The following FBL variants were observed in gnomAD, a reference collection of about 807,000 sequenced individuals.
FBL encodes fibrillarin rRNA 2'-O-methyltransferase, also known as rRNA 2'-O-methyltransferase fibrillarin.
FBL carries 10 observed loss-of-function variants against 42.2 expected under a neutral mutation model. The ratio of observed to expected loss-of-function variants is 0.24; its 90% CI spans 0.15 to 0.40. The LOEUF (loss-of-function observed/expected upper bound fraction) is 0.40, where lower values mean the gene tolerates loss of function less well. FBL is among the 10% of genes least tolerant of loss of function. The pLI is 1.00. For synonymous variants in FBL, 165 were observed against 165.4 expected, an observed-to-expected ratio of 1.00 and a Z score of 0.02; for missense variants, 351 against 439.2, an observed-to-expected ratio of 0.80 and a Z score of 1.79.
intron 1 of FBL, among the ~76,000 whole-genome samples, chr19:39,843,314 T>C (rs982629457): frequency 6.6e-6 from 1 of 152,124 alleles, no homozygotes; most frequent in African/African-American, 2.4e-5. Flanking sequence ...CACCCTCTAT[T>C]TGTTCAGAAA....
In FBL at chr19:39,840,141, C is replaced by CA; in HGVS notation, c.378+91dup. 1.2e-6 allele frequency: 1 copy of CA among 865,576 alleles called. No individual in the cohort carries two copies. The highest frequency in any genetic ancestry group is 2.4e-5 in the East Asian group (1 of 41,406). The allele number at this position is 865,576 out of a possible 1,614,324, so 53.6% of individuals were successfully genotyped here. ...CATATTATGACAATCCTCCAGCTGTCACGTGCAGGACACATGGTGAGGGCA... is the reference window on the plus strand; with the variant it reads ...CATATTATGACAATCCTCCAGCTGTCAACGTGCAGGACACATGGTGAGGGCA... On this transcript the variant is annotated intron_variant, in intron 4 of 8. Coordinates refer to ENST00000221801, the MANE Select transcript of FBL (RefSeq NM_001436.4). This position sits in a 1 kb window ranked among gnomAD's most constrained non-coding sequence, Gnocchi z 4.5.
In FBL at chr19:39,840,713, C is replaced by T; in HGVS notation, c.85G>A (p.Gly29Ser). Residue 29 changes from glycine (G) to serine (S), a missense_variant, in exon 2 of 9, where the codon GGC (glycine) becomes AGC (serine). Transcript: ENST00000221801. The surrounding 1 kb of genome is among the most constrained non-coding windows in gnomAD (Gnocchi z 4.5). ...CCTCGACCTCGGCCCCCGCCAAAGC[C>T]CCCTCGGCCTCCACGACCACCACGG... Reference protein sequence around the residue: ...GDRGGRGGRGGFGGGRGRGGG... With the variant: ...GDRGGRGGRGSFGGGRGRGGG... 1 of 1,582,980 alleles carries T rather than the reference C, an allele frequency of 6.3e-7. No homozygotes were observed. Among genetic ancestry groups the T allele is most frequent in the Non-Finnish European group, 8.6e-7 (1 of 1,165,036 alleles).
Position 39,834,530 on chromosome 19 carries a change from G to T in FBL, c.*8C>A, listed in dbSNP as rs746149318. 1 of 1,614,060 alleles carries T rather than the reference G, an allele frequency of 6.2e-7. No individual in the cohort carries two copies. Among genetic ancestry groups the T allele is most frequent in the East Asian group, 2.2e-5 (1 of 44,884 alleles). The stretch of plus-strand genomic sequence containing the variant: ...ACACATCTCTCGCAATCCTGACAGC[G>T]CTGAACTTCAGTTCTTCACCTTGGG... On this transcript the variant is annotated 3_prime_UTR_variant, in exon 9 of 9. Transcript: ENST00000221801.
rs544833818 is a variant in FBL, at chr19:39,834,462, G to A, written c.*76C>T. 9.1e-6 allele frequency: 14 copies of A among 1,536,192 alleles called. No homozygotes were observed. Among genetic ancestry groups the A allele is most frequent in the African/African-American group, 1.4e-5 (1 of 73,458 alleles). On this transcript the variant is annotated 3_prime_UTR_variant, in exon 9 of 9. Coordinates refer to ENST00000221801, the MANE Select transcript of FBL (RefSeq NM_001436.4). Reference sequence around the variant, plus strand: ...GAATGAGCAGCAGACATGGGAGACGGATGAGTCTTTTAATAGAAAAACACA... The same window carrying A: ...GAATGAGCAGCAGACATGGGAGACGAATGAGTCTTTTAATAGAAAAACACA...
intron 4 of FBL, among the ~76,000 whole-genome samples, chr19:39,839,788 G>A (rs1012824890): frequency 6.6e-6 from 1 of 152,200 alleles, no homozygotes; most frequent in African/African-American, 2.4e-5. Context: ...CCCAAGGCAG[G>A]CACACCCTGG....
At chr19:39,837,904 T>G in intron 5 of FBL, 61 bp from the exon 6 acceptor site, 1 of 1,456,112 alleles carries the variant, frequency 6.9e-7, no homozygotes, top group Non-Finnish European at 9.5e-7. Context: ...AGTGCCTACT[T>G]TAGGCCCATA....
intron 1 of FBL, among the ~76,000 whole-genome samples, chr19:39,843,412 C>G (rs529986509): frequency 1.3e-5 from 2 of 152,362 alleles, no homozygotes; most frequent in East Asian, 3.9e-4. Flanking sequence ...GTTGCTGCCA[C>G]TCTCGACCCT....
chr19:39,837,565 AG>A (rs1384168745), intron 6 of FBL, 145 bp downstream of exon 6: 19 of 722,004 alleles, frequency 2.6e-5, no homozygotes, highest in East Asian at 2.4e-4. Flanking sequence ...AACCTCACCT[AG>A]CTCCCCTTAC....
At position 39,835,294 on chromosome 19, in the gene FBL, C is replaced by G. The variant is rs141224105; in HGVS notation, c.796-481G>C. Among the ~76,000 whole-genome samples, 230 of 152,070 alleles carry G rather than the reference C, an allele frequency of 1.5e-3. 1 individual carries two copies. Among genetic ancestry groups the G allele is most frequent in the African/African-American group, 5.3e-3 (218 of 41,510 alleles). Reference sequence around the variant, plus strand: ...CCAGCACTTTGGGAGGCCGAGGTGGCTCAATCACGAAATCAGGAGATTGAG... The same window carrying G: ...CCAGCACTTTGGGAGGCCGAGGTGGGTCAATCACGAAATCAGGAGATTGAG... On this transcript the variant is annotated intron_variant, in intron 7 of 8. Transcript: ENST00000221801.
chr19:39,846,307 C>T lies in FBL; in HGVS notation c.-7G>A. 1 of 1,613,774 alleles carries T rather than the reference C, an allele frequency of 6.2e-7. No homozygotes were observed. The highest frequency in any genetic ancestry group is 8.5e-7 in the Non-Finnish European group (1 of 1,179,856). ...CAGCCTGACCTGGCTTCATGGCGAG[C>T]CCTGGTTTGTGCGGCTCCGGAGTCC... On this transcript the variant is annotated 5_prime_UTR_variant, in exon 1 of 9. Coordinates refer to ENST00000221801, the MANE Select transcript of FBL (RefSeq NM_001436.4).
At chr19:39,838,793 C>T (rs909021024) in intron 5 of FBL, 9 of 433,938 alleles carry the variant, frequency 2.1e-5, no homozygotes, top group East Asian at 7.4e-5. Context: ...CTATACTCCC[C>T]GTTGTCTCTC....
chr19:39,838,126 G>A (rs906914060), intron 5 of FBL: 12 of 381,224 alleles, frequency 3.1e-5, no homozygotes, highest in African/African-American at 4.3e-5. Context: ...CCAAGGCACA[G>A]AGATGATGTA....
chr19:39,837,932 C>T (rs1343573442), intron 5 of FBL, 89 bp from the exon 6 acceptor site: 2 of 1,060,614 alleles, frequency 1.9e-6, no homozygotes, highest in African/African-American at 1.6e-5. Flanking sequence ...CACAGCATCT[C>T]TTCCAACCCC....
intron 1 of FBL, among the ~76,000 whole-genome samples, chr19:39,842,832 A>G (rs944002105): frequency 2.0e-5 from 3 of 152,172 alleles, no homozygotes; most frequent in African/African-American, 7.2e-5. Context: ...CACATTGAGT[A>G]TCATCATCCT....
At position 39,840,659 on chromosome 19, in the gene FBL, CTCCTCG is replaced by C. The variant is rs1969144885; in HGVS notation, c.133_138del (p.Arg45_Gly46del). Reference sequence around the variant, plus strand: ...CCACCGCCGCCGCCGCCTCCACCTCCTCCTCGTCCACGACCTCTAAAGCCTCCGCCT... The same window carrying C: ...CCACCGCCGCCGCCGCCTCCACCTCCTCCACGACCTCTAAAGCCTCCGCCT... On this transcript the variant is annotated inframe_deletion, in exon 2 of 9. Coordinates refer to ENST00000221801, the MANE Select transcript of FBL (RefSeq NM_001436.4). The surrounding 1 kb of genome is among the most constrained non-coding windows in gnomAD (Gnocchi z 4.5). The C allele has an allele frequency of 1.2e-6, 2 of 1,610,510 alleles. No homozygotes were observed. The highest frequency in any genetic ancestry group is 1.7e-6 in the Non-Finnish European group (2 of 1,178,442).
chr19:39,836,650 A>G lies in FBL; in HGVS notation c.701T>C (p.Phe234Ser). 6.2e-7 allele frequency: 1 copy of G among 1,613,992 alleles called. No homozygotes were observed. Among genetic ancestry groups the G allele is most frequent in the Non-Finnish European group, 8.5e-7 (1 of 1,179,850 alleles). Residue 234 changes from phenylalanine to serine, a missense_variant, in exon 7 of 9, where the codon TTT becomes TCT. By Grantham distance (155) the Phe-to-Ser change is radical. Transcript: ENST00000221801. ...RMLIAMVDVI[F>S]ADVAQPDQTR... Reference sequence around the variant, plus strand: ...CTGGTCTGGCTGGGCCACATCAGCAAAGATCACATCCACCATTGCTAAGGA... The same window carrying G: ...CTGGTCTGGCTGGGCCACATCAGCAGAGATCACATCCACCATTGCTAAGGA...
intron 1 of FBL, among the ~76,000 whole-genome samples, chr19:39,841,933 A>G (rs1306435981): frequency 6.6e-6 from 1 of 152,246 alleles, no homozygotes; most frequent in African/African-American, 2.4e-5. Context: ...CGTTTAAAAC[A>G]GAACTCTGGT....
At chr19:39,837,652 C>G in intron 6 of FBL, 59 bp downstream of exon 6, 1 of 1,462,810 alleles carries the variant, frequency 6.8e-7, no homozygotes, top group African/African-American at 1.5e-5. Context: ...CCACTGGCTT[C>G]TTCCAGAAGC....
chr19:39,840,483 G>A lies in FBL; in HGVS notation c.214C>T (p.Arg72Cys), dbSNP rs755409839. The A allele has an allele frequency of 1.5e-5, 25 of 1,613,788 alleles. No homozygotes were observed. The highest frequency in any genetic ancestry group is 8.0e-5 in the African/African-American group (6 of 74,812). Residue 72 changes from arginine (R) to cysteine (C), a missense_variant, in exon 3 of 9, where the codon CGT (arginine) becomes TGT (cysteine). By Grantham distance (180) the Arg-to-Cys change is radical (BLOSUM62 -3). Transcript: ENST00000221801. The surrounding 1 kb of genome is among the most constrained non-coding windows in gnomAD (Gnocchi z 4.5). ...TTTCCTCTTTTTCCTCCCCGACCACGACCCCGGTTGCCACCAGAATGGAAG... is the reference window on the plus strand; with the variant it reads ...TTTCCTCTTTTTCCTCCCCGACCACAACCCCGGTTGCCACCAGAATGGAAG... The part of the protein sequence containing the change: ...GGFHSGGNRG[R>C]GRGGKRGNQS...
Sources: gnomAD v4.1 joint callset for allele counts (sites outside exome capture counted in the v4.1 genomes callset) on GRCh38, gnomAD v4.1.1 for gene constraint, Gnocchi (gnomAD v3.1) non-coding constraint, MANE v1.5 for transcripts, NCBI Gene and HGNC (gene_info 2026-07-23, HGNC 2026-07-21) for gene names.